The following SDK1 variants were observed in gnomAD, a reference collection of about 807,000 sequenced individuals.
SDK1 encodes sidekick cell adhesion molecule 1.
Under a neutral mutation model 245.5 loss-of-function variants are expected in SDK1, and 157 were observed. The ratio of observed to expected loss-of-function variants is 0.64; its 90% CI spans 0.56 to 0.73. SDK1 has a LOEUF of 0.73. Among genes scored for constraint, SDK1 ranks in the 30% least tolerant of loss-of-function variants. The pLI is 0.00. For missense variants in SDK1, 3,583 were observed against 3,002.3 expected, an observed-to-expected ratio of 1.19 and a Z score of -4.52; for synonymous variants, 1,647 against 1,278.5, an observed-to-expected ratio of 1.29 and a Z score of -6.15.
At position 4,113,396 on chromosome 7, in the gene SDK1, C is replaced by T. The variant is rs1438033324; in HGVS notation, c.3542C>T (p.Thr1181Met). 9.3e-6 allele frequency: 15 copies of T among 1,613,806 alleles called. No homozygotes were observed. The highest frequency in any genetic ancestry group is 4.4e-5 in the South Asian group (4 of 91,084). The change falls in exon 24 of 45, where the codon ACG becomes ATG. Residue 1181 changes from threonine to methionine, a missense_variant. Thr to Met is a moderately conservative substitution (Grantham distance 81). Transcript: ENST00000404826. Reference sequence around the variant, plus strand: ...CCCGACGTGGCTCCAACCAGCGTCACGGTCCGTACTGCCAGTGAGACCAGC... The same window carrying T: ...CCCGACGTGGCTCCAACCAGCGTCATGGTCCGTACTGCCAGTGAGACCAGC... The part of the protein sequence containing the change: ...APPDVAPTSV[T>M]VRTASETSLR...
At chr7:3,793,519 T>C (rs1245127726) in intron 4 of SDK1, among the ~76,000 whole-genome samples, 1 of 152,208 alleles carries the variant, frequency 6.6e-6, no homozygotes, top group Non-Finnish European at 1.5e-5. Context: ...GTTTCTTTCT[T>C]AGTGCAAACT....
At chr7:4,104,559 C>T (rs969058562) in intron 22 of SDK1, among the ~76,000 whole-genome samples, 2 of 152,164 alleles carry the variant, frequency 1.3e-5, no homozygotes, top group Non-Finnish European at 2.9e-5. Flanking sequence ...TCTTATTGAG[C>T]ATTCTTTCTT....
intron 1 of SDK1, among the ~76,000 whole-genome samples, chr7:3,340,100 T>C (rs1048660958): frequency 3.3e-5 from 5 of 151,098 alleles, no homozygotes; most frequent in Admixed American, 1.3e-4. Context: ...AGAGGAAATA[T>C]CTTTAGTTTT....
chr7:3,399,338 T>C lies in SDK1; in HGVS notation c.298+97454T>C, dbSNP rs112232760. On this transcript the variant is annotated intron_variant, in intron 1 of 44. Transcript: ENST00000404826. ...ATGTCTGTCTCTTTCTTGACATTTTTTATTTTGTGAGAGTTAAAGAATTAA... is the reference window on the plus strand; with the variant it reads ...ATGTCTGTCTCTTTCTTGACATTTTCTATTTTGTGAGAGTTAAAGAATTAA... Among the ~76,000 whole-genome samples, 6 of 152,210 alleles carry C rather than the reference T, an allele frequency of 3.9e-5. 2 individuals are homozygous for C. The highest frequency in any genetic ancestry group is 1.4e-4 in the African/African-American group (6 of 41,546).
intron 1 of SDK1, among the ~76,000 whole-genome samples, chr7:3,556,424 C>G (rs887977727): frequency 4.6e-5 from 7 of 151,612 alleles, no homozygotes; most frequent in African/African-American, 1.2e-4. Context: ...GGGGGTGCAG[C>G]AAGTAGGGAT....
At chr7:4,065,715 T>G (rs373972681) in intron 19 of SDK1, among the ~76,000 whole-genome samples, 35,417 of 140,696 alleles carry the variant, frequency 0.25, 7,293 homozygotes, top group African/African-American at 0.55. Flanking sequence ...TTTTTTTTTT[T>G]TTTTTTTTTT....
chr7:3,309,273 A>G lies in SDK1; in HGVS notation c.298+7389A>G, dbSNP rs118112498. On this transcript the variant is annotated intron_variant, in intron 1 of 44. Transcript: ENST00000404826. ...TGATAGGGTATGACCAAGCCCTTCT[A>G]TACAATGGATGTCAGTGTTGATTTT... Among the ~76,000 whole-genome samples the G allele has an allele frequency of 4.8e-3, 736 of 152,258 alleles. 7 individuals are homozygous for G. The highest frequency in any genetic ancestry group is 0.018 in the South Asian group (85 of 4,832).
intron 4 of SDK1, among the ~76,000 whole-genome samples, chr7:3,689,158 C>T (rs148683253): frequency 5.9e-5 from 9 of 152,286 alleles, no homozygotes; most frequent in African/African-American, 1.9e-4. Context: ...TGTTTGCTAT[C>T]TGGCCCTTTA....
chr7:3,954,847 A>G (rs146189352), intron 7 of SDK1, among the ~76,000 whole-genome samples: 176 of 151,844 alleles, frequency 1.2e-3, no homozygotes, highest in African/African-American at 3.9e-3. Flanking sequence ...GCATAACTCT[A>G]TTATCCTATA....
At chr7:3,817,724 A>T (rs1779544568) in intron 4 of SDK1, among the ~76,000 whole-genome samples, 1 of 152,178 alleles carries the variant, frequency 6.6e-6, no homozygotes, top group African/African-American at 2.4e-5. Flanking sequence ...TCTAGCCATC[A>T]TCTCAATGCA....
At chr7:3,586,677 C>A (rs1780698891) in intron 1 of SDK1, among the ~76,000 whole-genome samples, 1 of 149,112 alleles carries the variant, frequency 6.7e-6, no homozygotes. Context: ...TGCACTCCAG[C>A]CTGGGCGACT....
intron 1 of SDK1, among the ~76,000 whole-genome samples, chr7:3,327,561 C>A (rs553222222): frequency 1.3e-5 from 2 of 151,992 alleles, no homozygotes; most frequent in South Asian, 2.1e-4. Flanking sequence ...AGCGGTTTTG[C>A]CATATAAGAA....
intron 5 of SDK1, among the ~76,000 whole-genome samples, chr7:3,844,408 A>G (rs796362679): frequency 1.3e-5 from 2 of 152,326 alleles, no homozygotes; most frequent in African/African-American, 4.8e-5. Flanking sequence ...AGAGTACTCC[A>G]TCAGACCCAC....
intron 30 of SDK1, among the ~76,000 whole-genome samples, chr7:4,150,594 C>T (rs948595961): frequency 1.1e-4 from 16 of 152,342 alleles, no homozygotes; most frequent in Admixed American, 6.5e-4. Flanking sequence ...CCCAGCCATC[C>T]TCGTCTTCGA....
At chr7:4,235,087 G>C (rs1009101074) in intron 41 of SDK1, among the ~76,000 whole-genome samples, 1 of 152,142 alleles carries the variant, frequency 6.6e-6, no homozygotes, top group African/African-American at 2.4e-5. Context: ...CCTAAGCCTG[G>C]TACCCTGGCC....
intron 32 of SDK1, among the ~76,000 whole-genome samples, chr7:4,167,300 T>C (rs1781557159): frequency 1.3e-5 from 2 of 152,098 alleles, no homozygotes; most frequent in South Asian, 4.2e-4. Flanking sequence ...GGTAGGAGAA[T>C]TGCTTGAACC....
At chr7:4,042,850 CTT>C (rs1788731818) in intron 17 of SDK1, among the ~76,000 whole-genome samples, 1 of 152,226 alleles carries the variant, frequency 6.6e-6, no homozygotes. Flanking sequence ...GGCTGTAACT[CTT>C]TCTCGCTTGA....
intron 1 of SDK1, among the ~76,000 whole-genome samples, chr7:3,431,710 T>C (rs896238984): frequency 1.1e-4 from 17 of 152,152 alleles, no homozygotes; most frequent in Non-Finnish European, 2.4e-4. Flanking sequence ...CTCTGAGATA[T>C]GAACTGTTTT....
chr7:3,450,470 G>C (rs1780477430), intron 1 of SDK1, among the ~76,000 whole-genome samples: 1 of 152,162 alleles, frequency 6.6e-6, no homozygotes. Context: ...ATTTTAAGAA[G>C]TAGCAGTGCT....
Sources: gnomAD v4.1 joint callset for allele counts (sites outside exome capture counted in the v4.1 genomes callset) on GRCh38, gnomAD v4.1.1 for gene constraint, MANE v1.5 for transcripts, NCBI Gene and HGNC (gene_info 2026-07-23, HGNC 2026-07-21) for gene names.